FTO: variants seen among roughly 807,000 people sequenced by gnomAD.
FTO encodes the protein alpha-ketoglutarate-dependent dioxygenase FTO.
Under a neutral mutation model 63.9 loss-of-function variants are expected in FTO, and 47 were observed. That is an observed-to-expected ratio of 0.74 (90% CI 0.58 to 0.94). The LOEUF is 0.94. Ranked by LOEUF, FTO falls within the 40% of genes least tolerant of loss-of-function variation. The pLI is 0.00. For missense variants in FTO, 562 were observed against 618.1 expected (o/e 0.91, Z 0.96); for synonymous variants, 207 against 224.4 (o/e 0.92, Z 0.69).
At chr16:53,707,723 AG>A (rs781056905) in intron 1 of FTO, among the ~76,000 whole-genome samples, 3 of 152,156 alleles carry the variant, frequency 2.0e-5, no homozygotes, top group Non-Finnish European at 4.4e-5. Flanking sequence ...ATCTTTATTG[AG>A]TGAGGTATAA....
intron 8 of FTO, among the ~76,000 whole-genome samples, chr16:54,069,405 A>C (rs1169508711): frequency 6.6e-6 from 1 of 152,202 alleles, no homozygotes; most frequent in Non-Finnish European, 1.5e-5. Context: ...AGACGTAGGA[A>C]GGACATGATG....
At chr16:54,034,804 G>A (rs534668904) in intron 8 of FTO, among the ~76,000 whole-genome samples, 19 of 152,184 alleles carry the variant, frequency 1.2e-4, no homozygotes, top group Admixed American at 5.9e-4. Context: ...ACAATGTTGC[G>A]CAAAAATAAA....
chr16:53,784,407 T>C (rs1598647858), intron 1 of FTO, among the ~76,000 whole-genome samples: 1 of 152,234 alleles, frequency 6.6e-6, no homozygotes, highest in South Asian at 2.1e-4. Context: ...TGTATGGTTA[T>C]ATGGTGACTT....
intron 8 of FTO, among the ~76,000 whole-genome samples, chr16:54,025,244 G>A (rs1256392607): frequency 1.3e-5 from 2 of 152,198 alleles, no homozygotes; most frequent in Non-Finnish European, 2.9e-5. Flanking sequence ...GTTAATACTA[G>A]AAGATAGAGA....
chr16:54,090,232 A>G (rs749074740), intron 8 of FTO, among the ~76,000 whole-genome samples: 23 of 152,258 alleles, frequency 1.5e-4, no homozygotes, highest in Non-Finnish European at 3.4e-4. Context: ...CACGGGCCAC[A>G]GTATGAATGA....
At chr16:54,018,397 GATAGATAGATAGAT>G in intron 8 of FTO, among the ~76,000 whole-genome samples, 1 of 105,986 alleles carries the variant, frequency 9.4e-6, no homozygotes, top group Non-Finnish European at 1.8e-5. Context: ...TAGATAGATA[GATAGATAGATAGAT>G]ACATACATAC....
At chr16:53,976,653 T>C (rs1040047760) in intron 8 of FTO, among the ~76,000 whole-genome samples, 5 of 152,212 alleles carry the variant, frequency 3.3e-5, no homozygotes, top group Admixed American at 2.0e-4. Flanking sequence ...ATTGAATTTA[T>C]AGGTATATAT....
intron 2 of FTO, among the ~76,000 whole-genome samples, chr16:53,822,486 G>A (rs146095947): frequency 2.0e-5 from 3 of 152,016 alleles, no homozygotes; most frequent in African/African-American, 7.2e-5. Context: ...TTTGATTTCC[G>A]CAGTGTAAAT....
At chr16:54,014,850 CTTTTTTTTTT>C (rs149634902) in intron 8 of FTO, among the ~76,000 whole-genome samples, 4 of 102,926 alleles carry the variant, frequency 3.9e-5, no homozygotes, top group Non-Finnish European at 5.4e-5. Flanking sequence ...CTCTCTCTCT[CTTTTTTTTTT>C]TTTTTTTTTT....
intron 8 of FTO, among the ~76,000 whole-genome samples, chr16:54,023,035 G>A (rs1445121817): frequency 2.0e-5 from 3 of 152,198 alleles, no homozygotes; most frequent in South Asian, 2.1e-4. Flanking sequence ...GAAAACAAAT[G>A]TATGTCATTA....
chr16:53,906,534 T>A (rs2081544823), intron 7 of FTO, among the ~76,000 whole-genome samples: 1 of 152,194 alleles, frequency 6.6e-6, no homozygotes, highest in South Asian at 2.1e-4. Flanking sequence ...TGGAAGATGA[T>A]GTTGATAACT....
chr16:53,736,895 CT>C (rs2076401127), intron 1 of FTO, among the ~76,000 whole-genome samples: 1 of 152,206 alleles, frequency 6.6e-6, no homozygotes, highest in Non-Finnish European at 1.5e-5. Context: ...GTCTTCCATA[CT>C]CATTCCCCTC....
intron 8 of FTO, chr16:53,991,396 T>C (rs1350409816): frequency 6.6e-6 from 1 of 152,226 alleles, no homozygotes; most frequent in Admixed American, 6.5e-5. Flanking sequence ...AATGAGTCTC[T>C]GCCATGATGG....
chr16:53,840,411 CATCATAATTATTTTATG>C, intron 3 of FTO, among the ~76,000 whole-genome samples: 1 of 152,166 alleles, frequency 6.6e-6, no homozygotes, highest in East Asian at 1.9e-4. Flanking sequence ...AGTCACATTA[CATCATAATTATTTTATG>C]CAGCCTCAAC....
intron 8 of FTO, chr16:54,070,256 T>C (rs145045668): frequency 1.1e-4 from 16 of 152,316 alleles, no homozygotes; most frequent in Non-Finnish European, 1.5e-4. Context: ...TCTGCCCCAG[T>C]GTCTAATACA....
intron 1 of FTO, among the ~76,000 whole-genome samples, chr16:53,777,459 G>A (rs77570875): frequency 0.055 from 8,331 of 152,152 alleles, 748 homozygotes; most frequent in African/African-American, 0.19. Flanking sequence ...TGTGGAATCC[G>A]AAGCTATCTC....
intron 4 of FTO, among the ~76,000 whole-genome samples, chr16:53,868,614 A>G (rs768314335): frequency 3.3e-5 from 5 of 152,112 alleles, no homozygotes; most frequent in Non-Finnish European, 7.4e-5. Context: ...TTGTGAATAA[A>G]TTGTTATCTC....
chr16:54,111,376 T>A (rs767988448), intron 8 of FTO, among the ~76,000 whole-genome samples: 1 of 152,194 alleles, frequency 6.6e-6, no homozygotes, highest in Non-Finnish European at 1.5e-5. Context: ...TTCCCAGTAA[T>A]CTAGTAATAC....
chr16:54,014,625 G>A (rs1246003151), intron 8 of FTO, among the ~76,000 whole-genome samples: 1 of 151,972 alleles, frequency 6.6e-6, no homozygotes, highest in African/African-American at 2.4e-5. Context: ...CCCCAAATGT[G>A]AGCTGCACCA....
Sources: allele counts gnomAD v4.1 joint callset (sites outside exome capture counted in the v4.1 genomes callset), GRCh38; gene constraint gnomAD v4.1.1; transcripts MANE v1.5; gene names NCBI Gene and HGNC (gene_info 2026-07-23, HGNC 2026-07-21).